LRRC37A: variants seen among roughly 807,000 people sequenced by gnomAD.
LRRC37A encodes the protein leucine-rich repeat-containing protein 37A.
A neutral mutation model predicts 35.4 loss-of-function variants in LRRC37A; 3 were observed. That is an observed-to-expected ratio of 0.08 (90% CI 0.04 to 0.22). The LOEUF is 0.22. Among genes scored for constraint, LRRC37A ranks in the 10% least tolerant of loss-of-function variants. The pLI is 1.00. For synonymous variants in LRRC37A, 23 were observed against 215.0 expected (o/e 0.11, Z 7.81); for missense variants, 67 against 565.3 (o/e 0.12, Z 8.94).
the LRRC37A span, among the ~76,000 whole-genome samples, chr17:46,278,517 C>T: frequency 2.0e-5 from 3 of 151,648 alleles, no homozygotes; most frequent in Non-Finnish European, 2.9e-5. Flanking sequence ...CGATTTTCCA[C>T]CTCAGCCTCC....
At chr17:46,266,813 C>A in the LRRC37A span, among the ~76,000 whole-genome samples, 1 of 151,746 alleles carries the variant, frequency 6.6e-6, no homozygotes, top group African/African-American at 2.4e-5. Flanking sequence ...CGCACACGCT[C>A]CCACAGGCCC....
chr17:46,261,637 G>A, the LRRC37A span, among the ~76,000 whole-genome samples: 5 of 150,998 alleles, frequency 3.3e-5, no homozygotes, highest in Non-Finnish European at 5.9e-5. Flanking sequence ...GGTCTCAAAC[G>A]CCTGACCTCA....
the LRRC37A span, chr17:46,259,570 G>A: frequency 6.2e-7 from 1 of 1,612,106 alleles, no homozygotes; most frequent in Non-Finnish European, 8.5e-7. Flanking sequence ...CATGCTACCT[G>A]CCTCAGCCCC....
At chr17:46,257,801 G>A in the LRRC37A span, among the ~76,000 whole-genome samples, 5 of 141,100 alleles carry the variant, frequency 3.5e-5, no homozygotes, top group South Asian at 2.3e-4. Flanking sequence ...CAGCCTAGGC[G>A]ACAGAGTGAG....
chr17:46,291,969 CAAAA>C (rs59554870), upstream of LRRC37A, among the ~76,000 whole-genome samples: 1 of 58,090 alleles, frequency 1.7e-5, no homozygotes, highest in Non-Finnish European at 3.2e-5. Flanking sequence ...TCTCAAAAAG[CAAAA>C]AAAAAAAAAA....
At chr17:46,257,621 C>T in the LRRC37A span, among the ~76,000 whole-genome samples, 7 of 151,330 alleles carry the variant, frequency 4.6e-5, no homozygotes, top group East Asian at 9.8e-4. Context: ...CCAGACCAGC[C>T]TGGACAACAA....
At chr17:46,251,423 T>A in the LRRC37A span, among the ~76,000 whole-genome samples, 1 of 152,126 alleles carries the variant, frequency 6.6e-6, no homozygotes, top group East Asian at 1.9e-4. Flanking sequence ...CACGCCTGGC[T>A]AATTTTGTAT....
chr17:46,277,622 ATTTCTTTTCT>A, the LRRC37A span, among the ~76,000 whole-genome samples: 9 of 134,976 alleles, frequency 6.7e-5, no homozygotes, highest in Non-Finnish European at 1.4e-4. Context: ...CTCTGGGTAG[ATTTCTTTTCT>A]TTTCTTTTCT....
At position 46,311,652 on chromosome 17, in the gene LRRC37A, A is replaced by G. The variant is rs1195655788; in HGVS notation, c.2906+5343A>G. Reference sequence around the variant, plus strand: ...GCAAGAAATGTTCCCTTATTTTGTGAGCTACCTTTATTCTGTCCCATTGTT... The same window carrying G: ...GCAAGAAATGTTCCCTTATTTTGTGGGCTACCTTTATTCTGTCCCATTGTT... On this transcript the variant is annotated intron_variant, in intron 5 of 13. Transcript: ENST00000320254. 1.3e-4 allele frequency among the ~76,000 whole-genome samples: 12 copies of G among 89,498 alleles called. 4 individuals are homozygous for G. The highest frequency in any genetic ancestry group is 8.4e-4 in the Admixed American group (7 of 8,334). 58.7% of individuals were successfully genotyped at this position (89,498 alleles called of 152,430 possible).
chr17:46,266,781 A>G, the LRRC37A span, among the ~76,000 whole-genome samples: 1 of 151,900 alleles, frequency 6.6e-6, no homozygotes, highest in Non-Finnish European at 1.5e-5. Context: ...CCGGCCGACA[A>G]CCGGGCCACC....
At chr17:46,258,707 C>CTTTTTTTTTTTTTTT in the LRRC37A span, among the ~76,000 whole-genome samples, 2 of 81,122 alleles carry the variant, frequency 2.5e-5, no homozygotes, top group Non-Finnish European at 4.7e-5. Flanking sequence ...GACTATTATT[C>CTTTTTTTTTTTTTTT]TTTTTTTTTT....
chr17:46,271,481 C>T, the LRRC37A span, among the ~76,000 whole-genome samples: 1 of 151,944 alleles, frequency 6.6e-6, no homozygotes, highest in Non-Finnish European at 1.5e-5. Flanking sequence ...CACGCCCAGC[C>T]GTATCATGAT....
chr17:46,286,797 T>G, the LRRC37A span, among the ~76,000 whole-genome samples: 1 of 152,284 alleles, frequency 6.6e-6, no homozygotes, highest in Non-Finnish European at 1.5e-5. Context: ...TAGAACTCAC[T>G]GTGACTGCAG....
chr17:46,256,685 T>C, the LRRC37A span, among the ~76,000 whole-genome samples: 4 of 152,138 alleles, frequency 2.6e-5, no homozygotes, highest in South Asian at 2.1e-4. Flanking sequence ...TGTTACTTAA[T>C]GGAGGAAGGA....
the LRRC37A span, among the ~76,000 whole-genome samples, chr17:46,277,557 T>C: frequency 3.3e-5 from 5 of 152,220 alleles, no homozygotes; most frequent in Non-Finnish European, 7.3e-5. Context: ...CTGTCCTACC[T>C]TAACTCCCTC....
At chr17:46,287,442 C>T in the LRRC37A span, among the ~76,000 whole-genome samples, 1 of 152,186 alleles carries the variant, frequency 6.6e-6, no homozygotes, top group South Asian at 2.1e-4. Context: ...AGCGCAAACA[C>T]CAAGTAGAAG....
upstream of LRRC37A, chr17:46,294,088 GT>G (rs2143495377): frequency 1.3e-5 from 1 of 77,412 alleles, no homozygotes; most frequent in Admixed American, 1.5e-4. Flanking sequence ...GTTTCACCAT[GT>G]TGGTCAGGCT....
At chr17:46,278,407 T>G in the LRRC37A span, among the ~76,000 whole-genome samples, 4,058 of 149,978 alleles carry the variant, frequency 0.027, 207 homozygotes, top group African/African-American at 0.096. Context: ...TTTTGTTTTT[T>G]TTTTGTTGTT....
the LRRC37A span, among the ~76,000 whole-genome samples, chr17:46,280,542 A>G: frequency 6.9e-6 from 1 of 145,432 alleles, no homozygotes; most frequent in Non-Finnish European, 1.5e-5. Context: ...AAAGAAAAAA[A>G]TTTGTTTCCT....
Sources: gnomAD v4.1 joint callset for allele counts (sites outside exome capture counted in the v4.1 genomes callset) on GRCh38, gnomAD v4.1.1 for gene constraint, MANE v1.5 for transcripts, NCBI Gene and HGNC (gene_info 2026-07-23, HGNC 2026-07-21) for gene names.